Variants in RSPO2 observed in about 807,000 individuals in gnomAD.
RSPO2 encodes R-spondin-2.
RSPO2 carries 14 observed loss-of-function variants against 30.9 expected under a neutral mutation model. The ratio of observed to expected loss-of-function variants is 0.45; its 90% CI spans 0.30 to 0.71. The LOEUF is 0.71. RSPO2 is among the 30% of genes least tolerant of loss of function. RSPO2 has a pLI of 0.08. For missense variants in RSPO2, 264 were observed against 301.9 expected (o/e 0.87, Z 0.93); for synonymous variants, 107 against 96.4 (o/e 1.11, Z -0.64).
rs1811421794 is a variant in RSPO2, at chr8:107,900,598, T to TTCATCGCACAACA, written c.*464_*476dup. 1 of 153,110 alleles carries TTCATCGCACAACA rather than the reference T, an allele frequency of 6.5e-6. No homozygotes were observed. The highest frequency in any genetic ancestry group is 1.5e-5 in the Non-Finnish European group (1 of 68,632). The allele number at this position is 153,110 out of a possible 1,614,324, so 9.5% of individuals were successfully genotyped here. A position where few individuals can be genotyped will look rare whatever the true frequency, so the allele number is the denominator to read the frequency against. ...GAGCATATCCTCAGCTAAAAGCAGT[T>TTCATCGCACAACA]TCATCGCACAACAGTGTGAAGGTAA... On this transcript the variant is annotated 3_prime_UTR_variant, in exon 6 of 6. Coordinates refer to ENST00000276659, the MANE Select transcript of RSPO2 (RefSeq NM_178565.5).
intron 5 of RSPO2, among the ~76,000 whole-genome samples, chr8:107,906,793 C>T (rs1811662588): frequency 6.6e-6 from 1 of 151,806 alleles, no homozygotes; most frequent in East Asian, 1.9e-4. Flanking sequence ...TTTTAGTTGA[C>T]AAATAAAAAT....
chr8:108,027,522 T>C lies in RSPO2; in HGVS notation c.95-38278A>G, dbSNP rs531171381. On this transcript the variant is annotated intron_variant, in intron 2 of 5. Transcript: ENST00000276659. Reference sequence around the variant, plus strand: ...CAAGAAACTTACTAGAAATGCATTCTTTATTACCAAAGCATTTTTATTTGG... The same window carrying C: ...CAAGAAACTTACTAGAAATGCATTCCTTATTACCAAAGCATTTTTATTTGG... Among the ~76,000 whole-genome samples, 6 of 152,332 alleles carry C rather than the reference T, an allele frequency of 3.9e-5. No individual in the cohort carries two copies. The South Asian group carries it at 1.2e-3, about 32-fold the overall frequency.
At chr8:107,983,510 G>C in intron 3 of RSPO2, 1 of 1,600,526 alleles carries the variant, frequency 6.2e-7, no homozygotes, top group East Asian at 2.2e-5. Flanking sequence ...GAGATTCAGG[G>C]GATCTTTGAC....
In RSPO2 at chr8:107,981,255, A is replaced by G. The variant is rs975367091; in HGVS notation, c.283+7801T>C. Reference sequence around the variant, plus strand: ...AATGACAGGCTGGGCTCAGTGGCTCATGACTGTAATCTTAGCACTTTGGGA... The same window carrying G: ...AATGACAGGCTGGGCTCAGTGGCTCGTGACTGTAATCTTAGCACTTTGGGA... On this transcript the variant is annotated intron_variant, in intron 3 of 5. Transcript: ENST00000276659. 2.0e-5 allele frequency among the ~76,000 whole-genome samples: 3 copies of G among 152,216 alleles called. No individual in the cohort carries two copies. In the East Asian group the frequency reaches 5.8e-4, roughly 29 times the overall value.
chr8:108,055,276 G>C (rs1812207562), intron 2 of RSPO2, among the ~76,000 whole-genome samples: 1 of 152,190 alleles, frequency 6.6e-6, no homozygotes, highest in Non-Finnish European at 1.5e-5. Flanking sequence ...GAAGTCAAGA[G>C]TGTATGAGAG....
intron 5 of RSPO2, among the ~76,000 whole-genome samples, chr8:107,947,141 C>T (rs991417276): frequency 2.0e-5 from 3 of 152,206 alleles, no homozygotes; most frequent in East Asian, 1.9e-4. Context: ...CAGGACACTG[C>T]TTTTGCTAGT....
chr8:107,934,153 T>A (rs919456171), intron 5 of RSPO2, among the ~76,000 whole-genome samples: 1 of 152,232 alleles, frequency 6.6e-6, no homozygotes, highest in Non-Finnish European at 1.5e-5. Flanking sequence ...CTAGTACTCA[T>A]GCTGGTAGCA....
intron 2 of RSPO2, among the ~76,000 whole-genome samples, chr8:108,014,795 G>A (rs1810825639): frequency 6.9e-6 from 1 of 145,686 alleles, no homozygotes; most frequent in Non-Finnish European, 1.5e-5. Context: ...GTATACCTAT[G>A]TAACAAACCT....
At chr8:107,957,075 T>G (rs1259444124) in intron 5 of RSPO2, among the ~76,000 whole-genome samples, 2 of 152,146 alleles carry the variant, frequency 1.3e-5, no homozygotes, top group Admixed American at 1.3e-4. Context: ...CTTCGAGTCT[T>G]AAAAGTATTG....
intron 3 of RSPO2, 150 bp from the exon 4 acceptor site, chr8:107,960,967 A>T: frequency 1.6e-6 from 1 of 628,414 alleles, no homozygotes; most frequent in South Asian, 2.1e-5. Context: ...TCCTAGCGCC[A>T]TCTCATTCTA....
rs182161425 is a variant in RSPO2, at chr8:108,070,397, A to C, written c.94+12148T>G. 3.2e-4 allele frequency among the ~76,000 whole-genome samples: 47 copies of C among 145,590 alleles called. 1 individual carries two copies. In the South Asian group the frequency reaches 5.3e-3, roughly 16 times the overall value. ...AAGCTCCGCTTCCCGGGTTCACGCC[A>C]TTCTCCTGCCTCAGCCTCCCGAGTA... is the stretch of plus-strand genomic sequence containing the variant. On this transcript the variant is annotated intron_variant, in intron 2 of 5. Transcript: ENST00000276659.
chr8:108,077,157 TTTC>T (rs1426636242), intron 2 of RSPO2, among the ~76,000 whole-genome samples: 1 of 152,226 alleles, frequency 6.6e-6, no homozygotes, highest in African/African-American at 2.4e-5. Context: ...TTTTAATATT[TTTC>T]TTGTTTGTTA....
chr8:107,982,962 T>C (rs1814500758), intron 3 of RSPO2, among the ~76,000 whole-genome samples: 1 of 152,174 alleles, frequency 6.6e-6, no homozygotes, highest in African/African-American at 2.4e-5. Flanking sequence ...GTAATTAGTA[T>C]AAATAGTGTT....
intron 5 of RSPO2, among the ~76,000 whole-genome samples, chr8:107,943,611 C>G (rs1485503553): frequency 6.6e-6 from 1 of 152,172 alleles, no homozygotes; most frequent in Non-Finnish European, 1.5e-5. Context: ...CTGGTAATGG[C>G]AACACAGAGT....
At chr8:108,049,463 T>A (rs1471266387) in intron 2 of RSPO2, among the ~76,000 whole-genome samples, 1 of 151,936 alleles carries the variant, frequency 6.6e-6, no homozygotes, top group African/African-American at 2.4e-5. Context: ...GGTCTACATG[T>A]GCCATGGTGG....
intron 2 of RSPO2, among the ~76,000 whole-genome samples, chr8:108,067,906 T>A: frequency 6.6e-6 from 1 of 152,024 alleles, no homozygotes; most frequent in East Asian, 1.9e-4. Context: ...CTGTCTCTAC[T>A]AAAAATACAA....
chr8:108,000,516 T>A (rs1428808712), intron 2 of RSPO2, among the ~76,000 whole-genome samples: 3 of 152,050 alleles, frequency 2.0e-5, no homozygotes, highest in Admixed American at 6.6e-5. Flanking sequence ...CAAGGCAAGA[T>A]ACTTTTGAGA....
At chr8:107,985,805 T>C (rs1192934697) in intron 3 of RSPO2, among the ~76,000 whole-genome samples, 1 of 152,182 alleles carries the variant, frequency 6.6e-6, no homozygotes, top group Non-Finnish European at 1.5e-5. Context: ...TGTCTGTTAG[T>C]ACATGTATCA....
chr8:108,003,404 C>T (rs10100877), intron 2 of RSPO2, among the ~76,000 whole-genome samples: 1,995 of 145,930 alleles, frequency 0.014, 58 homozygotes, highest in African/African-American at 0.048. Context: ...GGTAATCCGC[C>T]GACCTCTGGT....
Sources: allele counts gnomAD v4.1 joint callset (sites outside exome capture counted in the v4.1 genomes callset), GRCh38; gene constraint gnomAD v4.1.1; transcripts MANE v1.5; gene names NCBI Gene and HGNC (gene_info 2026-07-23, HGNC 2026-07-21).